Variants in FGFR2 observed in about 807,000 individuals in gnomAD.
The protein encoded by FGFR2 is fibroblast growth factor receptor 2.
A neutral mutation model predicts 95.9 loss-of-function variants in FGFR2; 19 were observed. The ratio of observed to expected loss-of-function variants is 0.20; its 90% CI spans 0.14 to 0.29. The LOEUF (loss-of-function observed/expected upper bound fraction) is 0.29, where lower values mean the gene tolerates loss of function less well. FGFR2 is among the 10% of genes least tolerant of loss of function. The pLI, the probability that FGFR2 is intolerant of heterozygous loss-of-function variation, is 1.00. For synonymous variants in FGFR2, 392 were observed against 393.3 expected, an observed-to-expected ratio of 1.00 and a Z score of 0.04; for missense variants, 707 against 1,056.9, an observed-to-expected ratio of 0.67 and a Z score of 4.59.
chr10:121,550,329 T>G (rs949460980), intron 5 of FGFR2, among the ~76,000 whole-genome samples: 1 of 152,184 alleles, frequency 6.6e-6, no homozygotes, highest in Non-Finnish European at 1.5e-5. Flanking sequence ...GCTGGGGCCA[T>G]GCCTCACCCT....
intron 6 of FGFR2, among the ~76,000 whole-genome samples, chr10:121,537,364 C>A (rs1487471168): frequency 1.3e-5 from 2 of 152,192 alleles, no homozygotes; most frequent in Admixed American, 6.5e-5. Context: ...TTTAACTTGA[C>A]AGAAAATCAA....
At chr10:121,522,636 G>T (rs1428493370) in intron 6 of FGFR2, among the ~76,000 whole-genome samples, 3 of 152,116 alleles carry the variant, frequency 2.0e-5, no homozygotes, top group Non-Finnish European at 2.9e-5. Context: ...AAAATAAAAA[G>T]AATTAAATAA....
rs1009432817 is a variant in FGFR2 at position 121,518,356 on chromosome 10, G to A, written c.940-893C>T. ...CCCCGTATTAAACAGGCATGGAAGC[G>A]TGTGTTTTAAATGGTGTTAATGTGC... On this transcript the variant is annotated intron_variant, in intron 7 of 17. Transcript: ENST00000358487. The surrounding 1 kb of genome is among the most constrained non-coding windows in gnomAD (Gnocchi z 4.0). Among the ~76,000 whole-genome samples, 5 of 152,300 alleles carry A rather than the reference G, an allele frequency of 3.3e-5. No homozygotes were observed. The highest frequency in any genetic ancestry group is 4.8e-5 in the African/African-American group (2 of 41,558).
chr10:121,556,600 G>C (rs1359842584), intron 4 of FGFR2, among the ~76,000 whole-genome samples: 4 of 152,288 alleles, frequency 2.6e-5, no homozygotes, highest in Middle Eastern at 3.4e-3. Context: ...CACAGCCAGA[G>C]GCCGGGCTGA....
chr10:121,568,791 GCTGAAACTGGGGGTAT>G (rs1172232184), intron 2 of FGFR2, among the ~76,000 whole-genome samples: 2 of 152,122 alleles, frequency 1.3e-5, no homozygotes, highest in African/African-American at 4.8e-5. Context: ...CCAAAATCTT[GCTGAAACTGGGGGTAT>G]CTGAGCTGCT....
intron 6 of FGFR2, among the ~76,000 whole-genome samples, chr10:121,524,067 T>G (rs1460579521): frequency 6.6e-6 from 1 of 150,614 alleles, no homozygotes; most frequent in Admixed American, 6.6e-5. Context: ...GAGCTCCAGT[T>G]ATTAAGTTAT....
chr10:121,560,733 A>G (rs1365812559), intron 4 of FGFR2, among the ~76,000 whole-genome samples: 2 of 152,034 alleles, frequency 1.3e-5, no homozygotes, highest in Non-Finnish European at 1.5e-5. Flanking sequence ...CACAGAAGAT[A>G]CTTCCACTCA....
chr10:121,542,440 C>A (rs1015903575), intron 5 of FGFR2, among the ~76,000 whole-genome samples: 3 of 152,106 alleles, frequency 2.0e-5, no homozygotes, highest in African/African-American at 4.8e-5. Flanking sequence ...ATAGTAGCTA[C>A]CCCCTGCAGA....
chr10:121,560,142 C>T (rs1033648106), intron 4 of FGFR2, among the ~76,000 whole-genome samples: 7 of 152,242 alleles, frequency 4.6e-5, no homozygotes, highest in African/African-American at 1.4e-4. Flanking sequence ...ACAACTGAAA[C>T]GCAGCCCTTC....
In FGFR2 at chr10:121,529,558, A is replaced by G. The variant is rs187955995; in HGVS notation, c.748+9034T>C. Among the ~76,000 whole-genome samples the G allele has an allele frequency of 1.6e-3, 244 of 152,328 alleles. 2 individuals carry two copies. Among genetic ancestry groups the G allele is most frequent in the African/African-American group, 5.3e-3 (221 of 41,572 alleles). On this transcript the variant is annotated intron_variant, in intron 6 of 17. Transcript: ENST00000358487. ...AATAATATTCAATGTTTGTCTCTCAAAAGACCACAATCTCCCTGATCCAGT... is the reference window on the plus strand; with the variant it reads ...AATAATATTCAATGTTTGTCTCTCAGAAGACCACAATCTCCCTGATCCAGT...
chr10:121,489,325 C>G (rs570761321), intron 13 of FGFR2, among the ~76,000 whole-genome samples: 1 of 152,162 alleles, frequency 6.6e-6, no homozygotes, highest in South Asian at 2.1e-4. Flanking sequence ...CCATCCGCCT[C>G]GGCCTCCCAA....
At chr10:121,534,394 GCTTT>G (rs1319978803) in intron 6 of FGFR2, among the ~76,000 whole-genome samples, 5 of 147,512 alleles carry the variant, frequency 3.4e-5, no homozygotes, top group Non-Finnish European at 7.4e-5. Flanking sequence ...ACCGCGCCCG[GCTTT>G]CTTTTTTCTT....
intron 9 of FGFR2, among the ~76,000 whole-genome samples, chr10:121,512,243 G>C (rs992080757): frequency 1.3e-5 from 2 of 152,116 alleles, no homozygotes; most frequent in African/African-American, 4.8e-5. Context: ...GGCCTTTCTG[G>C]GGCTTTTCAT....
rs1589688552 is a variant in FGFR2 at position 121,478,378 on chromosome 10, A to G, written c.*1479T>C. 8.6e-6 allele frequency: 2 copies of G among 232,618 alleles called. No individual in the cohort carries two copies. The highest frequency in any genetic ancestry group is 1.7e-5 in the Non-Finnish European group (2 of 117,500). 14.4% of individuals were successfully genotyped at this position (232,618 alleles called of 1,614,324 possible). The stretch of plus-strand genomic sequence containing the variant: ...CATTTATTTTGTCTTGTTAACATTA[A>G]TATCTGTAGAAACATTTTTATTGTC... On this transcript the variant is annotated 3_prime_UTR_variant, in exon 18 of 18. Coordinates refer to ENST00000358487, the MANE Select transcript of FGFR2 (RefSeq NM_000141.5).
intron 9 of FGFR2, among the ~76,000 whole-genome samples, chr10:121,511,452 C>A (rs946325784): frequency 3.9e-5 from 6 of 152,314 alleles, no homozygotes; most frequent in South Asian, 2.1e-4. Flanking sequence ...CACCTTCCCC[C>A]ACCACCCAAT....
chr10:121,485,771 T>C lies in FGFR2; in HGVS notation c.2058-239A>G, dbSNP rs950965670. On this transcript the variant is annotated intron_variant, in intron 15 of 17. Coordinates refer to ENST00000358487, the MANE Select transcript of FGFR2 (RefSeq NM_000141.5). The surrounding 1 kb of genome is among the most constrained non-coding windows in gnomAD (Gnocchi z 4.2). ...ACAAAAAGGCAAACTGCCATCACTC[T>C]GGAATAGAGCTGCTTGTCTTAAATG... is the stretch of plus-strand genomic sequence containing the variant. Among the ~76,000 whole-genome samples, 3 of 152,218 alleles carry C rather than the reference T, an allele frequency of 2.0e-5. No homozygotes were observed. Among genetic ancestry groups the C allele is most frequent in the Admixed American group, 1.3e-4 (2 of 15,286 alleles).
intron 2 of FGFR2, among the ~76,000 whole-genome samples, chr10:121,581,941 T>TATTTA (rs1554861671): frequency 6.0e-5 from 9 of 148,810 alleles, no homozygotes; most frequent in Non-Finnish European, 1.3e-4. Flanking sequence ...TGATTTTTTT[T>TATTTA]TTTATTTTTG....
intron 1 of FGFR2, among the ~76,000 whole-genome samples, chr10:121,597,692 T>C (rs992219813): frequency 3.9e-5 from 6 of 152,200 alleles, no homozygotes; most frequent in African/African-American, 7.2e-5. Flanking sequence ...CCGCCAGGGT[T>C]TGACAGGGAG....
chr10:121,587,173 A>C (rs1243906747), intron 2 of FGFR2, among the ~76,000 whole-genome samples: 3 of 152,222 alleles, frequency 2.0e-5, no homozygotes, highest in Non-Finnish European at 2.9e-5. Context: ...TCCCTATTCA[A>C]TAAATGGTGC....
Sources: gnomAD v4.1 joint callset for allele counts (sites outside exome capture counted in the v4.1 genomes callset) on GRCh38, gnomAD v4.1.1 for gene constraint, Gnocchi (gnomAD v3.1) non-coding constraint, MANE v1.5 for transcripts, NCBI Gene and HGNC (gene_info 2026-07-23, HGNC 2026-07-21) for gene names.